DMD: variants seen among roughly 807,000 people sequenced by gnomAD.
DMD encodes the protein mutant dystrophin.
DMD carries 63 observed loss-of-function variants against 330.1 expected under a neutral mutation model. The observed-to-expected ratio is 0.19, with a 90% CI of 0.16 to 0.24. The LOEUF is 0.24. Among genes scored for constraint, DMD ranks in the 10% least tolerant of loss-of-function variants. The pLI is 1.00. For missense variants in DMD, 3,344 were observed against 2,684.1 expected, an observed-to-expected ratio of 1.25 and a Z score of -5.43; for synonymous variants, 1,223 against 959.8, an observed-to-expected ratio of 1.27 and a Z score of -5.07.
intron 21 of DMD, among the ~76,000 whole-genome samples, chrX:32,477,312 T>A (rs1044244919): frequency 3.7e-5 from 4 of 109,567 alleles, no homozygotes; most frequent in African/African-American, 1.0e-4. Context: ...AAAAAAAAAA[T>A]TCCATTAATA....
chrX:31,520,780 C>G (rs751055142), intron 55 of DMD, among the ~76,000 whole-genome samples: 1 of 109,743 alleles, frequency 9.1e-6, no homozygotes, highest in African/African-American at 3.3e-5. Context: ...CCCGGGTTCA[C>G]GCCATTCTCC....
intron 55 of DMD, among the ~76,000 whole-genome samples, chrX:31,558,972 G>A (rs1284247741): frequency 9.0e-6 from 1 of 110,981 alleles, no homozygotes; most frequent in African/African-American, 3.3e-5. Flanking sequence ...TTACAGGAGA[G>A]ACAAAATTAC....
intron 62 of DMD, among the ~76,000 whole-genome samples, chrX:31,288,472 C>T (rs1264919547): frequency 1.8e-5 from 2 of 111,595 alleles, no homozygotes; most frequent in African/African-American, 6.5e-5. Context: ...GCTGGTCAAT[C>T]GTTGAGCCCC....
At chrX:31,261,281 C>T (rs1015684896) in intron 62 of DMD, 9 of 334,002 alleles carry the variant, frequency 2.7e-5, no homozygotes, top group Admixed American at 9.3e-5. Flanking sequence ...ACAAATCGAT[C>T]GCACTTCAGT....
At chrX:32,712,431 A>T (rs915232750) in intron 7 of DMD, among the ~76,000 whole-genome samples, 1 of 111,797 alleles carries the variant, frequency 8.9e-6, no homozygotes, top group Non-Finnish European at 1.9e-5. Context: ...TCAGGATCAA[A>T]TATATGTAAA....
chrX:32,445,525 A>G (rs920815534), intron 27 of DMD, among the ~76,000 whole-genome samples: 2 of 110,926 alleles, frequency 1.8e-5, no homozygotes, highest in Middle Eastern at 4.6e-3. Flanking sequence ...ATATTTGATT[A>G]AGTTATGATA....
chrX:32,708,992 G>GT (rs778026665), intron 7 of DMD, among the ~76,000 whole-genome samples: 52 of 112,062 alleles, frequency 4.6e-4, no homozygotes, highest in Middle Eastern at 9.3e-3. Context: ...ACGCATTTGT[G>GT]TATTTTCTAA....
At position 32,085,228 on chromosome X, in the gene DMD, A is replaced by G. The variant is rs190363452; in HGVS notation, c.6439-116714T>C. 2.4e-3 allele frequency among the ~76,000 whole-genome samples: 272 copies of G among 111,531 alleles called. 2 individuals carry two copies. Among genetic ancestry groups the G allele is most frequent in the African/African-American group, 8.4e-3 (258 of 30,743 alleles). ...TTAAGTGTAAGTTATATACACACAC[A>G]CAAACACATATGTATATGCATATGT... is the stretch of plus-strand genomic sequence containing the variant. On this transcript the variant is annotated intron_variant, in intron 44 of 78. Transcript: ENST00000357033.
intron 55 of DMD, among the ~76,000 whole-genome samples, chrX:31,626,561 G>A (rs138831929): frequency 2.3e-4 from 26 of 110,981 alleles, no homozygotes; most frequent in African/African-American, 8.2e-4. Flanking sequence ...GGAGAAAGTG[G>A]GGTCAAAGCA....
At chrX:31,703,196 AG>A (rs1335005366) in intron 52 of DMD, among the ~76,000 whole-genome samples, 1 of 111,673 alleles carries the variant, frequency 9.0e-6, no homozygotes, top group Non-Finnish European at 1.9e-5. Flanking sequence ...CACTGCTTTC[AG>A]GATAGTATTA....
At chrX:31,633,143 T>C (rs2079219919) in intron 54 of DMD, among the ~76,000 whole-genome samples, 1 of 112,063 alleles carries the variant, frequency 8.9e-6, no homozygotes. Flanking sequence ...GATGCTTGCT[T>C]TTCATCCACA....
At chrX:32,557,998 C>G (rs1366495570) in intron 16 of DMD, among the ~76,000 whole-genome samples, 2 of 109,167 alleles carry the variant, frequency 1.8e-5, no homozygotes, top group Admixed American at 2.0e-4. Flanking sequence ...AATAAAATTT[C>G]TTGAATAAGT....
intron 44 of DMD, among the ~76,000 whole-genome samples, chrX:32,075,376 A>G (rs1385787373): frequency 1.8e-5 from 2 of 112,325 alleles, no homozygotes; most frequent in African/African-American, 3.2e-5. Context: ...AGTCACAATT[A>G]ACATACAGGC....
intron 52 of DMD, among the ~76,000 whole-genome samples, chrX:31,688,381 A>C (rs1311389556): frequency 9.0e-6 from 1 of 111,534 alleles, no homozygotes; most frequent in Non-Finnish European, 1.9e-5. Context: ...GAAATGGATA[A>C]ATTCCTGCAC....
chrX:31,260,555 A>G (rs761799117), intron 63 of DMD, among the ~76,000 whole-genome samples: 2 of 111,681 alleles, frequency 1.8e-5, no homozygotes, highest in Admixed American at 1.9e-4. Flanking sequence ...TCCTTTACAC[A>G]ACATTTGTGG....
intron 7 of DMD, among the ~76,000 whole-genome samples, chrX:32,753,434 T>C (rs1004484528): frequency 4.5e-5 from 5 of 111,672 alleles, no homozygotes; most frequent in Non-Finnish European, 9.4e-5. Context: ...GGTTCGACTT[T>C]GCATTGAGTC....
intron 11 of DMD, among the ~76,000 whole-genome samples, chrX:32,615,196 T>G (rs776826121): frequency 9.0e-6 from 1 of 111,553 alleles, no homozygotes; most frequent in African/African-American, 3.3e-5. Context: ...CAATTATAAA[T>G]TGTTTTAACC....
intron 1 of DMD, among the ~76,000 whole-genome samples, chrX:33,196,514 C>T (rs1394555311): frequency 8.9e-6 from 1 of 111,813 alleles, no homozygotes; most frequent in Non-Finnish European, 1.9e-5. Context: ...ATCATTCACA[C>T]ACGCACAAAC....
At chrX:33,034,680 T>C (rs1303606204) in intron 1 of DMD, among the ~76,000 whole-genome samples, 2 of 112,588 alleles carry the variant, frequency 1.8e-5, no homozygotes, top group Non-Finnish European at 3.8e-5. Flanking sequence ...TTTGTTTGTT[T>C]ATTTGTTTCT....
Sources: gnomAD v4.1 joint callset for allele counts (sites outside exome capture counted in the v4.1 genomes callset) on GRCh38, gnomAD v4.1.1 for gene constraint, MANE v1.5 for transcripts, NCBI Gene and HGNC (gene_info 2026-07-23, HGNC 2026-07-21) for gene names.